SGCD: variants seen among roughly 807,000 people sequenced by gnomAD.
SGCD encodes sarcoglycan delta, also known as delta-sarcoglycan.
A neutral mutation model predicts 36.6 loss-of-function variants in SGCD; 18 were observed. The observed-to-expected ratio is 0.49, with a 90% confidence interval of 0.34 to 0.73. The LOEUF is 0.73. Ranked by LOEUF, SGCD falls within the 30% of genes least tolerant of loss-of-function variation. The pLI, the probability that SGCD is intolerant of heterozygous loss-of-function variation, is 0.01. For missense variants in SGCD, 387 were observed against 346.7 expected (o/e 1.12, Z -0.92); for synonymous variants, 133 against 130.6 (o/e 1.02, Z -0.12).
chr5:156,764,229 C>T lies in SGCD; in HGVS notation c.*4839C>T, dbSNP rs1032559742. On this transcript the variant is annotated 3_prime_UTR_variant, in exon 9 of 9. Coordinates refer to ENST00000337851, the MANE Select transcript of SGCD (RefSeq NM_000337.6). The stretch of plus-strand genomic sequence containing the variant: ...TCTTGTGGTCTTTCATCACTATCTC[C>T]GTGGTGGAAGGTTCCCCTAGTTCCA... The T allele has an allele frequency of 6.6e-6, 1 of 152,582 alleles. No homozygotes were observed. The highest frequency in any genetic ancestry group is 1.5e-5 in the Non-Finnish European group (1 of 68,024). 9.5% of individuals were successfully genotyped at this position (152,582 alleles called of 1,614,324 possible).
chr5:156,759,125 G>C, intron 8 of SGCD, 92 bp from the exon 9 acceptor site: 1 of 996,866 alleles, frequency 1.0e-6, no homozygotes, highest in Non-Finnish European at 1.6e-6. Flanking sequence ...TTAGATTTCA[G>C]TTGAATTGAA....
intron 3 of SGCD, among the ~76,000 whole-genome samples, chr5:156,282,956 A>G (rs1027169979): frequency 6.6e-6 from 1 of 152,192 alleles, no homozygotes; most frequent in Admixed American, 6.6e-5. Context: ...CTATACAAGA[A>G]TTTCATGGCT....
chr5:155,809,116 G>T, the SGCD span, among the ~76,000 whole-genome samples: 2 of 152,150 alleles, frequency 1.3e-5, no homozygotes, highest in African/African-American at 4.8e-5. Flanking sequence ...TTTCTGAACT[G>T]TCCCTTCTGA....
At chr5:156,570,648 T>G (rs944967992) in intron 4 of SGCD, among the ~76,000 whole-genome samples, 2 of 152,256 alleles carry the variant, frequency 1.3e-5, no homozygotes, top group Non-Finnish European at 2.9e-5. Context: ...TTTTAACTTT[T>G]AAGTTCAGGG....
At chr5:155,763,682 G>A in the SGCD span, among the ~76,000 whole-genome samples, 4 of 152,268 alleles carry the variant, frequency 2.6e-5, no homozygotes, top group East Asian at 3.9e-4. Context: ...AGCCATTGAT[G>A]TGAATGAACA....
At chr5:156,222,966 C>T (rs369089675) in intron 3 of SGCD, among the ~76,000 whole-genome samples, 1 of 152,050 alleles carries the variant, frequency 6.6e-6, no homozygotes, top group Admixed American at 6.6e-5. Context: ...TTCTTATGCA[C>T]CTCCCTGGTA....
chr5:156,489,162 C>T (rs1755830797), intron 3 of SGCD, among the ~76,000 whole-genome samples: 1 of 151,984 alleles, frequency 6.6e-6, no homozygotes, highest in Non-Finnish European at 1.5e-5. Flanking sequence ...AGGATCAATT[C>T]AGCAAGAGGA....
At chr5:155,808,361 C>T in the SGCD span, among the ~76,000 whole-genome samples, 1 of 152,272 alleles carries the variant, frequency 6.6e-6, no homozygotes, top group Non-Finnish European at 1.5e-5. Flanking sequence ...TGGACAGTAA[C>T]TCAATCTGGT....
At chr5:155,910,213 A>T (rs1756602216) in intron 1 of SGCD, among the ~76,000 whole-genome samples, 2 of 151,990 alleles carry the variant, frequency 1.3e-5, no homozygotes, top group Non-Finnish European at 2.9e-5. Flanking sequence ...ACATAGTGTT[A>T]TTTTTTACTA....
intron 6 of SGCD, among the ~76,000 whole-genome samples, chr5:156,604,778 C>CACAT (rs1561808625): frequency 2.0e-5 from 3 of 147,282 alleles, no homozygotes; most frequent in Non-Finnish European, 4.5e-5. Context: ...TACATATATA[C>CACAT]ACATTTTATA....
intron 3 of SGCD, among the ~76,000 whole-genome samples, chr5:156,389,745 TG>T (rs1771465283): frequency 6.6e-6 from 1 of 152,196 alleles, no homozygotes; most frequent in Non-Finnish European, 1.5e-5. Flanking sequence ...AGACCCCTGA[TG>T]TATAGTGTAA....
chr5:156,417,244 G>T lies in SGCD; in HGVS notation c.192+72567G>T, dbSNP rs560743551. Among the ~76,000 whole-genome samples the T allele has an allele frequency of 3.8e-4, 58 of 152,132 alleles. 1 individual carries two copies. Among genetic ancestry groups the T allele is most frequent in the African/African-American group, 1.3e-3 (54 of 41,506 alleles). Reference sequence around the variant, plus strand: ...TTCTATTTTTACCCTTGTTCCAAATGCCACATGTATACTTCCATCCCTATT... The same window carrying T: ...TTCTATTTTTACCCTTGTTCCAAATTCCACATGTATACTTCCATCCCTATT... On this transcript the variant is annotated intron_variant, in intron 3 of 8. Coordinates refer to ENST00000337851, the MANE Select transcript of SGCD (RefSeq NM_000337.6).
intron 1 of SGCD, among the ~76,000 whole-genome samples, chr5:155,903,433 A>G (rs901637003): frequency 6.6e-6 from 1 of 152,116 alleles, no homozygotes; most frequent in Non-Finnish European, 1.5e-5. Flanking sequence ...ATAGATCTCT[A>G]TCTAGCCTAC....
the SGCD span, among the ~76,000 whole-genome samples, chr5:155,776,018 A>G: frequency 1.3e-5 from 2 of 152,150 alleles, no homozygotes; most frequent in Non-Finnish European, 2.9e-5. Flanking sequence ...TTGGCTAGGT[A>G]TTGACTTACA....
intron 7 of SGCD, among the ~76,000 whole-genome samples, chr5:156,744,705 G>T (rs1225316084): frequency 6.6e-6 from 1 of 152,084 alleles, no homozygotes; most frequent in East Asian, 1.9e-4. Flanking sequence ...TTCTCTAATG[G>T]AGCCATGATC....
chr5:156,745,882 G>T (rs534941708), intron 7 of SGCD, among the ~76,000 whole-genome samples: 1 of 152,024 alleles, frequency 6.6e-6, no homozygotes, highest in East Asian at 1.9e-4. Context: ...CAGAAGAATA[G>T]GAATGCTAGA....
At chr5:156,600,097 T>C (rs1445148316) in intron 6 of SGCD, among the ~76,000 whole-genome samples, 2 of 152,228 alleles carry the variant, frequency 1.3e-5, no homozygotes, top group South Asian at 2.1e-4. Flanking sequence ...CTCCATCATA[T>C]AATGATGAAA....
chr5:156,305,386 C>T (rs1381212952), intron 3 of SGCD, among the ~76,000 whole-genome samples: 2 of 152,184 alleles, frequency 1.3e-5, no homozygotes, highest in African/African-American at 2.4e-5. Context: ...GGGTGCAAGT[C>T]TCAAGCCTTG....
chr5:155,865,258 C>G, the SGCD span, among the ~76,000 whole-genome samples: 1 of 143,680 alleles, frequency 7.0e-6, no homozygotes. Context: ...TATAAAAATA[C>G]TATAATTTAT....
Sources: allele counts gnomAD v4.1 joint callset (sites outside exome capture counted in the v4.1 genomes callset), GRCh38; gene constraint gnomAD v4.1.1; transcripts MANE v1.5; gene names NCBI Gene and HGNC (gene_info 2026-07-23, HGNC 2026-07-21).